The following RERE variants were observed in gnomAD, a reference collection of about 807,000 sequenced individuals.
The protein encoded by RERE is arginine-glutamic acid dipeptide repeats, also known as arginine-glutamic acid dipeptide repeats protein.
RERE carries 40 observed loss-of-function variants against 146.1 expected under a neutral mutation model. The observed-to-expected ratio is 0.27, with a 90% CI of 0.21 to 0.36. The LOEUF (loss-of-function observed/expected upper bound fraction) is 0.36. RERE is among the 10% of genes least tolerant of loss of function. The probability of loss-of-function intolerance (pLI) is 1.00; values close to 1 mark genes in which losing one functional copy is unlikely to be tolerated. For synonymous variants in RERE, 1,003 were observed against 866.0 expected, an observed-to-expected ratio of 1.16 and a Z score of -2.78; for missense variants, 1,933 against 2,138.7, an observed-to-expected ratio of 0.90 and a Z score of 1.90.
At chr1:8,383,226 C>T (rs750917879) in intron 12 of RERE, among the ~76,000 whole-genome samples, 2 of 151,666 alleles carry the variant, frequency 1.3e-5, no homozygotes, top group Non-Finnish European at 2.9e-5. Flanking sequence ...CAGCTGCAAC[C>T]AGCAGAACCA....
Position 8,360,238 on chromosome 1 carries a change from G to A in RERE, c.3269C>T (p.Thr1090Ile), listed in dbSNP as rs1325241037. ...IAGGSSCPLP[T>I]VQIKEEALDD... Reference sequence around the variant, plus strand: ...CAGAGCCTCCTCCTTGATCTGGACGGTGGGGAGTGGGCAGGACGACCCCCC... The same window carrying A: ...CAGAGCCTCCTCCTTGATCTGGACGATGGGGAGTGGGCAGGACGACCCCCC... Residue 1090 changes from threonine to isoleucine, a missense_variant, in exon 18 of 23, where the codon ACC (threonine) becomes ATC (isoleucine). This residue lies in a region of RERE where 1,255 missense variants were observed against 1,153.8 expected (regional missense o/e 1.09). Transcript: ENST00000400908. The A allele has an allele frequency of 2.5e-6, 4 of 1,582,630 alleles. No individual in the cohort carries two copies. Among genetic ancestry groups the A allele is most frequent in the Non-Finnish European group, 3.4e-6 (4 of 1,165,558 alleles).
intron 12 of RERE, among the ~76,000 whole-genome samples, chr1:8,403,074 T>A (rs1643317329): frequency 6.6e-6 from 1 of 152,000 alleles, no homozygotes; most frequent in African/African-American, 2.4e-5. Flanking sequence ...AATTTTTGTA[T>A]TTTTAGTAGA....
At chr1:8,723,960 T>C (rs576920593) in intron 1 of RERE, among the ~76,000 whole-genome samples, 10 of 152,288 alleles carry the variant, frequency 6.6e-5, no homozygotes, top group African/African-American at 2.4e-4. Context: ...AGCTCTTATA[T>C]CAAATGAATC....
chr1:8,422,864 C>A, intron 11 of RERE, 57 bp from the exon 12 acceptor site: 1 of 1,249,178 alleles, frequency 8.0e-7, no homozygotes. Context: ...AGGATGTCAG[C>A]AAAGCAAAGA....
chr1:8,509,349 T>C (rs1645299158), intron 7 of RERE, among the ~76,000 whole-genome samples: 1 of 152,076 alleles, frequency 6.6e-6, no homozygotes, highest in Admixed American at 6.5e-5. Flanking sequence ...TGCCCTACCA[T>C]AAGCCTTATA....
intron 11 of RERE, among the ~76,000 whole-genome samples, chr1:8,441,333 G>A (rs918969415): frequency 2.6e-5 from 4 of 152,178 alleles, no homozygotes; most frequent in Admixed American, 1.3e-4. Flanking sequence ...GAAGGCACAC[G>A]CTCCTGTGAG....
At chr1:8,767,321 G>A (rs1640867143) in intron 1 of RERE, among the ~76,000 whole-genome samples, 1 of 152,178 alleles carries the variant, frequency 6.6e-6, no homozygotes, top group Non-Finnish European at 1.5e-5. Context: ...AAGCAATGGA[G>A]GCCAGGCACA....
At chr1:8,786,360 G>C (rs911059745) in intron 1 of RERE, 1 of 846,164 alleles carries the variant, frequency 1.2e-6, no homozygotes, top group Non-Finnish European at 2.0e-6. Flanking sequence ...CAACAGTATA[G>C]ATGTCATGAA....
intron 7 of RERE, among the ~76,000 whole-genome samples, chr1:8,533,288 A>G (rs1258510822): frequency 6.6e-6 from 1 of 152,184 alleles, no homozygotes; most frequent in Admixed American, 6.5e-5. Context: ...CTCTGCTTAC[A>G]TGAGAGAGAA....
intron 12 of RERE, among the ~76,000 whole-genome samples, chr1:8,405,628 A>G (rs761544064): frequency 4.2e-4 from 64 of 152,172 alleles, no homozygotes; most frequent in Non-Finnish European, 8.8e-5. Flanking sequence ...TCTCTTAGTG[A>G]TGGAATTACT....
At chr1:8,676,919 T>G (rs1023230838) in intron 1 of RERE, among the ~76,000 whole-genome samples, 4 of 152,200 alleles carry the variant, frequency 2.6e-5, no homozygotes, top group African/African-American at 9.7e-5. Flanking sequence ...ATTCAAAAAC[T>G]TACAAAGAAA....
chr1:8,396,598 T>C (rs1047814295), intron 12 of RERE, among the ~76,000 whole-genome samples: 9 of 152,226 alleles, frequency 5.9e-5, no homozygotes, highest in African/African-American at 1.9e-4. Context: ...GCATGAAGTA[T>C]TGCCCGCTTT....
At chr1:8,751,786 A>T (rs1481683973) in intron 1 of RERE, among the ~76,000 whole-genome samples, 1 of 151,952 alleles carries the variant, frequency 6.6e-6, no homozygotes, top group East Asian at 1.9e-4. Context: ...TTAAAAAAAA[A>T]AAAAAAAGAA....
At chr1:8,469,614 C>A (rs1447620626) in intron 10 of RERE, among the ~76,000 whole-genome samples, 1 of 152,050 alleles carries the variant, frequency 6.6e-6, no homozygotes, top group Non-Finnish European at 1.5e-5. Flanking sequence ...CAGAGTGAGA[C>A]CCCGTCTCAA....
intron 7 of RERE, chr1:8,526,019 C>T: frequency 7.9e-7 from 1 of 1,265,426 alleles, no homozygotes; most frequent in Non-Finnish European, 9.9e-7. Context: ...CACACACTGT[C>T]TCTCCACGAC....
intron 4 of RERE, among the ~76,000 whole-genome samples, chr1:8,604,611 AGGGAGGGAGGG>A (rs1646676538): frequency 1.1e-5 from 1 of 93,514 alleles, no homozygotes; most frequent in Non-Finnish European, 2.1e-5. Flanking sequence ...GGAGGGAGGG[AGGGAGGGAGGG>A]AGGAAGGAAG....
chr1:8,541,062 G>C (rs1317154070), intron 7 of RERE, 152 bp downstream of exon 7: 1 of 401,824 alleles, frequency 2.5e-6, no homozygotes, highest in African/African-American at 2.1e-5. Context: ...TCCTCCCAAA[G>C]AAGTTTACTG....
chr1:8,760,829 A>G (rs1445089523), intron 1 of RERE, among the ~76,000 whole-genome samples: 1 of 152,212 alleles, frequency 6.6e-6, no homozygotes, highest in Non-Finnish European at 1.5e-5. Flanking sequence ...GATTAGAAGC[A>G]GTGGAGCCAG....
intron 12 of RERE, among the ~76,000 whole-genome samples, chr1:8,420,276 T>G (rs1428017265): frequency 6.6e-6 from 1 of 151,970 alleles, no homozygotes; most frequent in Non-Finnish European, 1.5e-5. Flanking sequence ...GCAACAGAGT[T>G]AGATCTTGTC....
Sources: allele counts gnomAD v4.1 joint callset (sites outside exome capture counted in the v4.1 genomes callset), GRCh38; gene constraint gnomAD v4.1.1; regional missense constraint gnomAD v4.1.1; transcripts MANE v1.5; gene names NCBI Gene and HGNC (gene_info 2026-07-23, HGNC 2026-07-21).